DCP2: variants seen among roughly 807,000 people sequenced by gnomAD.
DCP2 encodes m7GpppN-mRNA hydrolase.
Under a neutral mutation model 56.1 loss-of-function variants are expected in DCP2, and 30 were observed. The ratio of observed to expected loss-of-function variants is 0.53; its 90% CI spans 0.40 to 0.73. DCP2 has a LOEUF of 0.73. Among genes scored for constraint, DCP2 ranks in the 30% least tolerant of loss-of-function variants. The pLI is 0.00. For synonymous variants in DCP2, 197 were observed against 163.3 expected (o/e 1.21, Z -1.57); for missense variants, 533 against 502.7 (o/e 1.06, Z -0.58).
At chr5:112,989,854 A>G (rs537433697) in intron 2 of DCP2, among the ~76,000 whole-genome samples, 1 of 152,306 alleles carries the variant, frequency 6.6e-6, no homozygotes, top group Admixed American at 6.5e-5. Context: ...AATTTACTAG[A>G]GAGAGAAAAC....
chr5:113,000,049 G>A (rs1749073747), intron 4 of DCP2, among the ~76,000 whole-genome samples: 2 of 100,858 alleles, frequency 2.0e-5, no homozygotes, highest in Non-Finnish European at 3.7e-5. Context: ...CAACAAGAGC[G>A]AAACTCCATC....
At chr5:112,984,254 A>T (rs536915769) in intron 1 of DCP2, 10 of 152,334 alleles carry the variant, frequency 6.6e-5, no homozygotes, top group African/African-American at 2.4e-4. Flanking sequence ...GAAAATTCAC[A>T]ATGGAGATGA....
intron 8 of DCP2, among the ~76,000 whole-genome samples, chr5:113,004,917 A>T (rs575756439): frequency 1.3e-5 from 2 of 151,856 alleles, no homozygotes; most frequent in Middle Eastern, 3.4e-3. Flanking sequence ...ACCTAAGGTC[A>T]TAAGTTCGAG....
At chr5:113,003,904 C>G (rs763753585) in intron 7 of DCP2, 38 bp from the exon 8 acceptor site, 1 of 1,610,138 alleles carries the variant, frequency 6.2e-7, no homozygotes, top group East Asian at 2.2e-5. Context: ...TATAAGTGAA[C>G]ATTTTCTGAT....
In DCP2 at chr5:112,984,697, A is replaced by ATATATATAT. The variant is rs1436502850; in HGVS notation, c.54-1138_54-1137insTATATATAT. The ATATATATAT allele has an allele frequency of 5.5e-4, 42 of 76,166 alleles. 1 individual carries two copies. The highest frequency in any genetic ancestry group is 9.5e-4 in the Admixed American group (8 of 8,418). 4.7% of individuals were successfully genotyped at this position (76,166 alleles called of 1,614,324 possible). ...TTTTATTTCTTAATTAAAAAAAAAA[A>ATATATATAT]AAAAAAATATATATATATATATATA... On this transcript the variant is annotated intron_variant, in intron 1 of 10. Coordinates refer to ENST00000389063, the MANE Select transcript of DCP2 (RefSeq NM_152624.6).
At chr5:113,006,184 C>T (rs950894318) in intron 8 of DCP2, among the ~76,000 whole-genome samples, 3 of 151,168 alleles carry the variant, frequency 2.0e-5, no homozygotes, top group African/African-American at 7.3e-5. Context: ...GGACATTATG[C>T]TAAGTGCAAT....
intron 1 of DCP2, among the ~76,000 whole-genome samples, chr5:112,981,252 C>G (rs1045428293): frequency 6.6e-6 from 1 of 152,082 alleles, no homozygotes; most frequent in African/African-American, 2.4e-5. Flanking sequence ...TCAAGCAATC[C>G]TCCTGCCTCA....
At chr5:113,010,387 TATAA>T (rs1172983693) in intron 9 of DCP2, among the ~76,000 whole-genome samples, 1 of 152,012 alleles carries the variant, frequency 6.6e-6, no homozygotes, top group African/African-American at 2.4e-5. Flanking sequence ...TTTTATGTTT[TATAA>T]ATAAAGTATG....
At chr5:113,005,106 G>A (rs566253045) in intron 8 of DCP2, among the ~76,000 whole-genome samples, 5 of 150,988 alleles carry the variant, frequency 3.3e-5, no homozygotes, top group Admixed American at 2.0e-4. Context: ...TCCAGCCTGG[G>A]CAATAAGAAC....
intron 4 of DCP2, among the ~76,000 whole-genome samples, chr5:112,995,684 C>T (rs1283849525): frequency 1.3e-5 from 2 of 152,088 alleles, no homozygotes; most frequent in Admixed American, 1.3e-4. Context: ...TTATAGCTGA[C>T]TAAGGAACTT....
At chr5:113,000,420 A>ACACACACACACACCCCCC (rs112449298) in intron 4 of DCP2, among the ~76,000 whole-genome samples, 1 of 146,652 alleles carries the variant, frequency 6.8e-6, no homozygotes, top group Non-Finnish European at 1.5e-5. Context: ...ACACACACAC[A>ACACACACACACACCCCCC]CACACCCACA....
rs138892314 is a variant in DCP2 at position 112,985,062 on chromosome 5, G to A, written c.54-773G>A. Among the ~76,000 whole-genome samples the A allele has an allele frequency of 4.7e-3, 716 of 151,996 alleles. 5 individuals are homozygous for A. Among genetic ancestry groups the A allele is most frequent in the African/African-American group, 0.017 (691 of 41,448 alleles). On this transcript the variant is annotated intron_variant, in intron 1 of 10. Transcript: ENST00000389063. ...CAGTGGACTTGAATCTGTCTCTAAT[G>A]GTTACTGGGAAAAAGGATTACCAAA...
At chr5:112,998,177 T>C (rs903528470) in intron 4 of DCP2, among the ~76,000 whole-genome samples, 4 of 152,252 alleles carry the variant, frequency 2.6e-5, no homozygotes, top group African/African-American at 9.6e-5. Context: ...TTAGAATTGA[T>C]TGGACAGTTT....
In DCP2 at chr5:112,985,932, A is replaced by T; in HGVS notation, c.151A>T (p.Met51Leu). ...CCATTGGTTTTACTTGGATTTCTAC[A>T]TGCAGAACACACCAGGATTACCTCA... ...LAHWFYLDFYMQNTPGLPQCG... is the reference protein window; with the variant it reads ...LAHWFYLDFYLQNTPGLPQCG... The change falls in exon 2 of 11, where the codon ATG (methionine) becomes TTG (leucine). Residue 51 changes from methionine (M) to leucine (L), a missense_variant. By Grantham distance (15) the Met-to-Leu change is conservative (BLOSUM62 2). Coordinates refer to ENST00000389063, the MANE Select transcript of DCP2 (RefSeq NM_152624.6). 1 of 1,606,398 alleles carries T rather than the reference A, an allele frequency of 6.2e-7. No homozygotes were observed. The highest frequency in any genetic ancestry group is 8.5e-7 in the Non-Finnish European group (1 of 1,174,024).
intron 3 of DCP2, 152 bp from the exon 4 acceptor site, chr5:112,992,520 A>G (rs1162389789): frequency 5.7e-6 from 4 of 707,818 alleles, no homozygotes; most frequent in Non-Finnish European, 6.9e-6. Context: ...GTGGTGATGT[A>G]TTCAGACTCA....
chr5:113,004,320 G>T (rs912264425), intron 8 of DCP2, among the ~76,000 whole-genome samples: 1 of 152,148 alleles, frequency 6.6e-6, no homozygotes, highest in African/African-American at 2.4e-5. Context: ...CCAATGAAAG[G>T]TTCATTTAAA....
At chr5:112,993,551 G>A (rs894153826) in intron 4 of DCP2, among the ~76,000 whole-genome samples, 14 of 150,790 alleles carry the variant, frequency 9.3e-5, no homozygotes, top group Admixed American at 6.6e-5. Flanking sequence ...TCTTGAACTC[G>A]GGAGGCAGAG....
chr5:112,984,703 A>AAAAATATATATATATATATATATATATAT, intron 1 of DCP2: 8 of 64,856 alleles, frequency 1.2e-4, no homozygotes, highest in Non-Finnish European at 1.6e-4. Flanking sequence ...AAAAAAAAAA[A>AAAAATATATATATATATATATATATATAT]ATATATATAT....
In DCP2 at chr5:113,019,864, G is replaced by T. The variant is rs1459141115; in HGVS notation, c.*6380G>T. 2 of 152,184 alleles carry T rather than the reference G, an allele frequency of 1.3e-5. No individual in the cohort carries two copies. Among genetic ancestry groups the T allele is most frequent in the East Asian group, 3.8e-4 (2 of 5,202 alleles). The allele number at this position is 152,184 out of a possible 1,614,324, so 9.4% of individuals were successfully genotyped here. ...TCAGAATAAAATAAACGGAATTACA[G>T]TTCATGCATTAGCATTTTTAAGTGA... On this transcript the variant is annotated 3_prime_UTR_variant, in exon 11 of 11. Transcript: ENST00000389063.
Sources: gnomAD v4.1 joint callset for allele counts (sites outside exome capture counted in the v4.1 genomes callset) on GRCh38, gnomAD v4.1.1 for gene constraint, MANE v1.5 for transcripts, NCBI Gene and HGNC (gene_info 2026-07-23, HGNC 2026-07-21) for gene names.